The following SCYL3 variants were observed in gnomAD, a reference collection of about 807,000 sequenced individuals.
SCYL3 encodes the protein SCY1 like pseudokinase 3.
SCYL3 carries 35 observed loss-of-function variants against 73.8 expected under a neutral mutation model. That is an observed-to-expected ratio of 0.47 (90% CI 0.36 to 0.63). SCYL3 has a LOEUF of 0.63. Ranked by LOEUF, SCYL3 falls within the 20% of genes least tolerant of loss-of-function variation. The pLI, the probability that SCYL3 is intolerant of heterozygous loss-of-function variation, is 0.00. For missense variants in SCYL3, 712 were observed against 798.9 expected, an observed-to-expected ratio of 0.89 and a Z score of 1.31; for synonymous variants, 277 against 295.2, an observed-to-expected ratio of 0.94 and a Z score of 0.63.
At chr1:169,873,230 T>C (rs1351659849) in intron 5 of SCYL3, among the ~76,000 whole-genome samples, 2 of 152,138 alleles carry the variant, frequency 1.3e-5, no homozygotes, top group Non-Finnish European at 2.9e-5. Context: ...CAAGACCTGA[T>C]GGTTTTATAA....
intron 4 of SCYL3, among the ~76,000 whole-genome samples, chr1:169,875,066 C>T (rs780536404): frequency 1.6e-4 from 25 of 152,112 alleles, no homozygotes; most frequent in Admixed American, 3.3e-4. Flanking sequence ...ACAAAGTACA[C>T]AAAAGGTAAA....
In SCYL3 at chr1:169,849,919, G is replaced by A; in HGVS notation, c.*3794C>T. 1 of 461,276 alleles carries A rather than the reference G, an allele frequency of 2.2e-6. No homozygotes were observed. The highest frequency in any genetic ancestry group is 2.7e-5 in the South Asian group (1 of 37,254). The allele number at this position is 461,276 out of a possible 1,614,324, so 28.6% of individuals were successfully genotyped here. ...GTCAAATGATAATACATTTCATTTT[G>A]TGCTATCAGTCATAAGGGTTAGGCT... is the stretch of plus-strand genomic sequence containing the variant. On this transcript the variant is annotated 3_prime_UTR_variant, in exon 13 of 13. Transcript: ENST00000367771.
intron 10 of SCYL3, 149 bp downstream of exon 10, chr1:169,862,464 G>T: frequency 1.2e-6 from 1 of 807,708 alleles, no homozygotes. Flanking sequence ...GAATGGAATG[G>T]AAATGCAATT....
At position 169,853,619 on chromosome 1, in the gene SCYL3, T is replaced by G; in HGVS notation, c.*94A>C. ...CCTGGGATGGGAAAAGCAGGCCACT[T>G]TGGGGTTTTCTTGTCCCAAAGCCTG... On this transcript the variant is annotated 3_prime_UTR_variant, in exon 13 of 13. Transcript: ENST00000367771. 1 of 1,337,620 alleles carries G rather than the reference T, an allele frequency of 7.5e-7. No individual in the cohort carries two copies. The highest frequency in any genetic ancestry group is 1.1e-6 in the Non-Finnish European group (1 of 948,520). The allele number at this position is 1,337,620 out of a possible 1,614,324, so 82.9% of individuals were successfully genotyped here.
At position 169,851,749 on chromosome 1, in the gene SCYL3, T is replaced by C; in HGVS notation, c.*1964A>G. ...TTGAACACTCAGCACTTAAATTATG[T>C]GGCCATTTCATATCTAGTAGAGTGC... On this transcript the variant is annotated 3_prime_UTR_variant, in exon 13 of 13. Transcript: ENST00000367771. 2.6e-6 allele frequency: 4 copies of C among 1,555,934 alleles called. No homozygotes were observed. In the South Asian group the frequency reaches 5.0e-5, roughly 19 times the overall value.
intron 2 of SCYL3, among the ~76,000 whole-genome samples, chr1:169,884,438 C>T (rs1661529685): frequency 2.0e-5 from 3 of 152,076 alleles, no homozygotes; most frequent in Admixed American, 6.6e-5. Flanking sequence ...GCTGGGATTA[C>T]AGGCGCCCAC....
chr1:169,880,822 C>T (rs1040510812), intron 2 of SCYL3, among the ~76,000 whole-genome samples: 14 of 146,434 alleles, frequency 9.6e-5, no homozygotes, highest in South Asian at 8.6e-4. Flanking sequence ...AGTGCAGTGG[C>T]GCAATCTCAG....
At chr1:169,876,487 A>T (rs971396319) in intron 3 of SCYL3, among the ~76,000 whole-genome samples, 1 of 152,224 alleles carries the variant, frequency 6.6e-6, no homozygotes, top group Non-Finnish European at 1.5e-5. Context: ...ATGCCTTTAA[A>T]GATAAAATAT....
chr1:169,888,963 A>T, intron 1 of SCYL3, 73 bp from the exon 2 acceptor site: 1 of 795,312 alleles, frequency 1.3e-6, no homozygotes, highest in Non-Finnish European at 1.8e-6. Flanking sequence ...ATCCAGACAT[A>T]GCCACCCCAA....
chr1:169,893,249 C>T (rs1473974784), intron 1 of SCYL3, among the ~76,000 whole-genome samples: 1 of 152,210 alleles, frequency 6.6e-6, no homozygotes, highest in Non-Finnish European at 1.5e-5. Context: ...ACAGAAAGCA[C>T]TATGCCAAGA....
At chr1:169,877,488 C>T (rs1660933368) in intron 3 of SCYL3, among the ~76,000 whole-genome samples, 1 of 152,134 alleles carries the variant, frequency 6.6e-6, no homozygotes, top group African/African-American at 2.4e-5. Context: ...CTACCCAATA[C>T]ATCAAATGTG....
chr1:169,869,093 CTCTA>C, intron 6 of SCYL3, 54 bp from the exon 7 acceptor site: 3 of 1,433,630 alleles, frequency 2.1e-6, no homozygotes, highest in Non-Finnish European at 2.9e-6. Flanking sequence ...TTTTCAGGAC[CTCTA>C]TAGCTGGAGA....
At chr1:169,854,216 C>T (rs766647157) in intron 12 of SCYL3, 54 bp downstream of exon 12, 28 of 1,369,240 alleles carry the variant, frequency 2.0e-5, no homozygotes, top group Non-Finnish European at 2.8e-5. Flanking sequence ...CAACTAGGAC[C>T]TATGAGGGAA....
chr1:169,879,008 T>C (rs1378007237), intron 2 of SCYL3, among the ~76,000 whole-genome samples, 189 bp from the exon 3 acceptor site: 2 of 152,208 alleles, frequency 1.3e-5, no homozygotes, highest in African/African-American at 2.4e-5. Flanking sequence ...ATCATTCAAT[T>C]TACTAATATT....
In SCYL3 at chr1:169,854,388, T is replaced by C; in HGVS notation, c.1889A>G (p.Lys630Arg). ...DWFADMIPEIKPSAAFLILPE... is the reference protein window; with the variant it reads ...DWFADMIPEIRPSAAFLILPE... The stretch of plus-strand genomic sequence containing the variant: ...TAATATAAGAAAAGCAGCAGAAGGC[T>C]TAATTTCTGGGATCATATCAGCAAA... The change falls in exon 12 of 13, where the codon AAG (lysine) becomes AGG (arginine). Residue 630 changes from lysine (K) to arginine (R), a missense_variant. Physicochemically the swap from Lys to Arg is conservative, Grantham distance 26 (BLOSUM62 2). Transcript: ENST00000367771. The C allele has an allele frequency of 6.2e-7, 1 of 1,614,062 alleles. No homozygotes were observed. The highest frequency in any genetic ancestry group is 8.5e-7 in the Non-Finnish European group (1 of 1,179,946).
Position 169,869,017 on chromosome 1 carries a change from G to A in SCYL3, c.648C>T (p.Ser216=). 1 of 1,614,090 alleles carries A rather than the reference G, an allele frequency of 6.2e-7. No individual in the cohort carries two copies. ...AAGTTGAGTGCAAGGTCTGTTGAAA[G>A]CTGGAGAGAACATCCGCTGAAACTG... The part of the protein sequence containing the change: ...NEQVSADVLS[S]FQQTLHSTLL... Residue 216 remains serine (S), a synonymous_variant, in exon 7 of 13, where the codon AGC becomes AGT. Transcript: ENST00000367771.
chr1:169,893,009 TATATTCCCTCTGCG>T (rs1310472115), intron 1 of SCYL3, among the ~76,000 whole-genome samples: 1 of 152,174 alleles, frequency 6.6e-6, no homozygotes, highest in Non-Finnish European at 1.5e-5. Flanking sequence ...GTTTCAGGTA[TATATTCCCTCTGCG>T]GAACTCAGTC....
intron 2 of SCYL3, among the ~76,000 whole-genome samples, chr1:169,882,490 G>C (rs1661355076): frequency 6.6e-6 from 1 of 152,230 alleles, no homozygotes; most frequent in Non-Finnish European, 1.5e-5. Context: ...GGGCTGAGGA[G>C]TGCGGGCACA....
chr1:169,853,891 G>A (rs111248323), intron 12 of SCYL3, 119 bp from the exon 13 acceptor site: 12 of 1,087,582 alleles, frequency 1.1e-5, no homozygotes, highest in East Asian at 4.8e-5. Flanking sequence ...ACACTACCTC[G>A]TACTAAGTAA....
Sources: gnomAD v4.1 joint callset for allele counts (sites outside exome capture counted in the v4.1 genomes callset) on GRCh38, gnomAD v4.1.1 for gene constraint, MANE v1.5 for transcripts, NCBI Gene and HGNC (gene_info 2026-07-23, HGNC 2026-07-21) for gene names.